Variants in RALYL observed in about 807,000 individuals in gnomAD.
RALYL encodes RALY RNA binding protein like, also known as RNA-binding Raly-like protein.
RALYL carries 29 observed loss-of-function variants against 35.1 expected under a neutral mutation model. That is an observed-to-expected ratio of 0.83 (90% CI 0.61 to 1.13). The LOEUF is 1.13. Among genes scored for constraint, RALYL ranks in the 50% most tolerant of loss-of-function variants. RALYL has a pLI of 0.00. For synonymous variants in RALYL, 120 were observed against 127.6 expected, an observed-to-expected ratio of 0.94 and a Z score of 0.40; for missense variants, 359 against 360.4, an observed-to-expected ratio of 1.00 and a Z score of 0.03.
chr8:84,426,260 T>C (rs1453704217), intron 1 of RALYL, among the ~76,000 whole-genome samples: 1 of 152,196 alleles, frequency 6.6e-6, no homozygotes, highest in Non-Finnish European at 1.5e-5. Flanking sequence ...AAAATCTACT[T>C]ATTTAGCATA....
chr8:84,611,062 A>G (rs1368315528), intron 2 of RALYL, among the ~76,000 whole-genome samples: 2 of 152,040 alleles, frequency 1.3e-5, no homozygotes, highest in Admixed American at 6.6e-5. Flanking sequence ...GCTTGTTTCT[A>G]CTGCAGTACC....
chr8:84,651,050 A>G (rs1186384509), intron 2 of RALYL, among the ~76,000 whole-genome samples: 2 of 151,918 alleles, frequency 1.3e-5, no homozygotes, highest in African/African-American at 4.8e-5. Flanking sequence ...GAAGGGGAAC[A>G]TCACACTCTG....
At chr8:84,564,950 T>G (rs1020788686) in intron 2 of RALYL, among the ~76,000 whole-genome samples, 1 of 151,666 alleles carries the variant, frequency 6.6e-6, no homozygotes, top group African/African-American at 2.4e-5. Context: ...TTCATGCAAT[T>G]TACTTATCTG....
intron 2 of RALYL, among the ~76,000 whole-genome samples, chr8:84,760,753 G>A (rs1335221888): frequency 1.3e-5 from 2 of 151,976 alleles, no homozygotes; most frequent in East Asian, 1.9e-4. Context: ...AAGCAAAGAA[G>A]GGAGTAAATA....
At chr8:84,458,838 G>A (rs2050426232) in intron 1 of RALYL, among the ~76,000 whole-genome samples, 1 of 151,548 alleles carries the variant, frequency 6.6e-6, no homozygotes, top group East Asian at 1.9e-4. Flanking sequence ...TATTGATAAA[G>A]GTTATTTCTA....
chr8:84,286,230 A>G (rs1026622155), intron 1 of RALYL, among the ~76,000 whole-genome samples: 2 of 152,116 alleles, frequency 1.3e-5, no homozygotes, highest in African/African-American at 4.8e-5. Flanking sequence ...GCCTGGCCGA[A>G]TGTTTTTAAT....
intron 1 of RALYL, among the ~76,000 whole-genome samples, chr8:84,381,586 A>G (rs1054730476): frequency 6.6e-6 from 1 of 151,994 alleles, no homozygotes; most frequent in East Asian, 1.9e-4. Context: ...ACATTTATAC[A>G]TCAGTTAAGG....
At chr8:84,638,488 T>TA (rs530110819) in intron 2 of RALYL, among the ~76,000 whole-genome samples, 1 of 151,116 alleles carries the variant, frequency 6.6e-6, no homozygotes, top group Non-Finnish European at 1.5e-5. Flanking sequence ...ATTGAAACAA[T>TA]AAAAAATGCA....
intron 2 of RALYL, among the ~76,000 whole-genome samples, chr8:84,607,659 G>A (rs894047100): frequency 3.2e-4 from 49 of 151,998 alleles, no homozygotes; most frequent in African/African-American, 1.2e-3. Context: ...GCCTGCCCTG[G>A]ACACTGAGCA....
intron 2 of RALYL, among the ~76,000 whole-genome samples, chr8:84,719,827 C>T (rs1430960953): frequency 6.6e-6 from 1 of 151,976 alleles, no homozygotes; most frequent in Non-Finnish European, 1.5e-5. Flanking sequence ...ATATATCATG[C>T]AATATTGTTA....
intron 4 of RALYL, among the ~76,000 whole-genome samples, chr8:84,815,745 A>G (rs1273959212): frequency 1.3e-5 from 2 of 152,088 alleles, no homozygotes; most frequent in Non-Finnish European, 2.9e-5. Context: ...GCATTTAGAA[A>G]GGTGAATAAG....
chr8:84,769,766 C>T (rs1352135681), intron 2 of RALYL, among the ~76,000 whole-genome samples: 1 of 152,026 alleles, frequency 6.6e-6, no homozygotes, highest in Non-Finnish European at 1.5e-5. Context: ...CAAAAAAACC[C>T]TATTTTCTCT....
intron 1 of RALYL, among the ~76,000 whole-genome samples, chr8:84,272,949 T>C (rs903341045): frequency 1.3e-5 from 2 of 152,182 alleles, no homozygotes; most frequent in Non-Finnish European, 1.5e-5. Context: ...TGTATAGAGA[T>C]GTAGAGATGT....
chr8:84,793,764 C>A (rs565720000), intron 3 of RALYL, among the ~76,000 whole-genome samples: 1 of 152,026 alleles, frequency 6.6e-6, no homozygotes, highest in East Asian at 1.9e-4. Flanking sequence ...AATTAAGTGC[C>A]AAGATTTAAT....
intron 1 of RALYL, among the ~76,000 whole-genome samples, chr8:84,438,554 A>AT (rs1350787022): frequency 1.3e-5 from 2 of 152,106 alleles, no homozygotes; most frequent in East Asian, 1.9e-4. Context: ...TCAATAAGCT[A>AT]TTTTTTTAAA....
At chr8:84,846,019 A>G (rs1211016599) in intron 4 of RALYL, among the ~76,000 whole-genome samples, 3 of 152,158 alleles carry the variant, frequency 2.0e-5, no homozygotes, top group Non-Finnish European at 4.4e-5. Context: ...TACCAGGACC[A>G]TGCTTTTTGG....
At chr8:84,391,297 A>G (rs1860638323) in intron 1 of RALYL, among the ~76,000 whole-genome samples, 1 of 151,988 alleles carries the variant, frequency 6.6e-6, no homozygotes, top group African/African-American at 2.4e-5. Context: ...TGCTCTTTAG[A>G]ATCCCTTCTG....
At chr8:84,851,754 T>A (rs1473719804) in intron 5 of RALYL, among the ~76,000 whole-genome samples, 1 of 152,186 alleles carries the variant, frequency 6.6e-6, no homozygotes, top group Non-Finnish European at 1.5e-5. Context: ...CTCCCTACAC[T>A]ACCTGGTTCA....
At chr8:84,457,770 C>T (rs1191127443) in intron 1 of RALYL, among the ~76,000 whole-genome samples, 1 of 151,806 alleles carries the variant, frequency 6.6e-6, no homozygotes, top group Non-Finnish European at 1.5e-5. Context: ...CTTGAATTAC[C>T]CTTTTGCTCT....
Sources: allele counts gnomAD v4.1 joint callset (sites outside exome capture counted in the v4.1 genomes callset), GRCh38; gene constraint gnomAD v4.1.1; transcripts MANE v1.5; gene names NCBI Gene and HGNC (gene_info 2026-07-23, HGNC 2026-07-21).